NLRC4: variants seen among roughly 807,000 people sequenced by gnomAD.
NLRC4 encodes the protein NLR family CARD domain-containing protein 4.
NLRC4 carries 63 observed loss-of-function variants against 79.9 expected under a neutral mutation model. The ratio of observed to expected loss-of-function variants is 0.79; its 90% CI spans 0.64 to 0.97. The LOEUF (loss-of-function observed/expected upper bound fraction) is 0.97, where lower values mean the gene tolerates loss of function less well. Ranked by LOEUF, NLRC4 falls within the 50% of genes least tolerant of loss-of-function variation. The pLI, the probability that NLRC4 is intolerant of heterozygous loss-of-function variation, is 0.00. For missense variants in NLRC4, 1,074 were observed against 1,215.2 expected (o/e 0.88, Z 1.73); for synonymous variants, 461 against 456.5 (o/e 1.01, Z -0.12).
intron 8 of NLRC4, among the ~76,000 whole-genome samples, chr2:32,230,469 C>CTTT (rs1207120518): frequency 6.8e-5 from 9 of 131,654 alleles, no homozygotes; most frequent in Non-Finnish European, 9.9e-5. Flanking sequence ...CCAGCCCCCG[C>CTTT]TATTTTTTTT....
At chr2:32,227,423 C>G (rs1324247475) in intron 8 of NLRC4, among the ~76,000 whole-genome samples, 1 of 152,180 alleles carries the variant, frequency 6.6e-6, no homozygotes, top group African/African-American at 2.4e-5. Flanking sequence ...GCTCTCTCTT[C>G]CATCTCATGT....
chr2:32,229,397 C>T (rs1287662557), intron 8 of NLRC4, among the ~76,000 whole-genome samples: 2 of 151,942 alleles, frequency 1.3e-5, no homozygotes, highest in African/African-American at 4.8e-5. Context: ...TTCAGAGAAG[C>T]GAATAGAGAA....
rs1687097107 is a variant in NLRC4, at chr2:32,252,348, A to G, written c.262+71T>C. 3 of 1,120,630 alleles carry G rather than the reference A, an allele frequency of 2.7e-6. No homozygotes were observed. The South Asian group carries it at 4.1e-5, about 15-fold the overall frequency. The allele number at this position is 1,120,630 out of a possible 1,614,324, so 69.4% of individuals were successfully genotyped here. On this transcript the variant is annotated intron_variant, in intron 3 of 8. Transcript: ENST00000402280. ...GAGAAGGAAAAGCAGAGGCTCTGCCATGGGGAAGATGGATCTTTGTTGTGG... is the reference window on the plus strand; with the variant it reads ...GAGAAGGAAAAGCAGAGGCTCTGCCGTGGGGAAGATGGATCTTTGTTGTGG...
chr2:32,245,310 CAAA>C (rs58301612), intron 4 of NLRC4, among the ~76,000 whole-genome samples: 829 of 77,964 alleles, frequency 0.011, 2 homozygotes, highest in African/African-American at 0.026. Context: ...GACTCCTTCT[CAAA>C]AAAAAAAAAA....
At position 32,234,364 on chromosome 2, in the gene NLRC4, AG is replaced by A. The variant is rs200011801; in HGVS notation, c.2782+1036del. On this transcript the variant is annotated intron_variant, in intron 8 of 8. Transcript: ENST00000402280. ...GCAACTGCACTCCAGCCTGGGCGAC[AG>A]AGCAAGACTCTGTCTAAAAAAAAAA... Among the ~76,000 whole-genome samples the A allele has an allele frequency of 6.5e-3, 990 of 152,244 alleles. 14 individuals carry two copies. The highest frequency in any genetic ancestry group is 0.023 in the African/African-American group (957 of 41,538).
intron 1 of NLRC4, among the ~76,000 whole-genome samples, chr2:32,259,262 ATTTTTTTTTT>A (rs57570626): frequency 3.0e-4 from 16 of 52,898 alleles, no homozygotes; most frequent in Non-Finnish European, 4.1e-4. Context: ...TGCCTGGCTA[ATTTTTTTTTT>A]TTTTTTTTTT....
At chr2:32,242,192 C>T (rs1451005076) in intron 4 of NLRC4, among the ~76,000 whole-genome samples, 1 of 151,880 alleles carries the variant, frequency 6.6e-6, no homozygotes, top group Non-Finnish European at 1.5e-5. Context: ...AAATTATAAA[C>T]AGGTAAACAA....
Position 32,224,479 on chromosome 2 carries a change from A to C in NLRC4, c.3069T>G (p.Thr1023=), listed in dbSNP as rs1306296626. Residue 1023 remains threonine, a synonymous_variant, in exon 9 of 9, where the codon ACT becomes ACG. Coordinates refer to ENST00000402280, the MANE Select transcript of NLRC4 (RefSeq NM_001199138.2). The part of the protein sequence containing the change: ...SVITGAFKLV[T]A ...GGCTTCGAGTACACTTTATTTAAGC[A>C]GTTACTAGTTTAAAAGCACCTGTAA... The C allele has an allele frequency of 6.3e-7, 1 of 1,594,958 alleles. No homozygotes were observed. The highest frequency in any genetic ancestry group is 8.5e-7 in the Non-Finnish European group (1 of 1,170,500).
At chr2:32,233,189 GA>G (rs1686586385) in intron 8 of NLRC4, among the ~76,000 whole-genome samples, 1 of 85,264 alleles carries the variant, frequency 1.2e-5, no homozygotes. Context: ...AGGAAGGAAG[GA>G]AGGAAGGGAG....
At position 32,240,049 on chromosome 2, in the gene NLRC4, C is replaced by T. The variant is rs1424293635; in HGVS notation, c.2350+984G>A. ...AGGCTGGAGTGCAGTGGAGCAATCT[C>T]GGCTCACTACAACCTCCTCCTCCTG... On this transcript the variant is annotated intron_variant, in intron 5 of 8. Transcript: ENST00000402280. 4.6e-5 allele frequency among the ~76,000 whole-genome samples: 7 copies of T among 152,272 alleles called. No homozygotes were observed. In the East Asian group the frequency reaches 5.8e-4, roughly 13 times the overall value.
intron 1 of NLRC4, among the ~76,000 whole-genome samples, chr2:32,259,956 C>A (rs748780049): frequency 6.6e-6 from 1 of 152,178 alleles, no homozygotes; most frequent in South Asian, 2.1e-4. Flanking sequence ...TGGCCGGGCA[C>A]GGTGGCTCAC....
At chr2:32,246,973 T>C (rs1686951940) in intron 4 of NLRC4, among the ~76,000 whole-genome samples, 1 of 152,116 alleles carries the variant, frequency 6.6e-6, no homozygotes, top group South Asian at 2.1e-4. Flanking sequence ...GGTCTTCCTA[T>C]TGTGTCCAGG....
At chr2:32,264,042 T>G (rs1009792544) in intron 1 of NLRC4, among the ~76,000 whole-genome samples, 2 of 152,144 alleles carry the variant, frequency 1.3e-5, no homozygotes, top group Non-Finnish European at 2.9e-5. Context: ...AAATATCAGG[T>G]TTCTCATCAG....
chr2:32,259,262 A>ATTTTTTTTTTTTTTTTTTTTTTTTTT lies in NLRC4; in HGVS notation c.-118-2395_-118-2370dup, dbSNP rs57570626. Among the ~76,000 whole-genome samples the ATTTTTTTTTTTTTTTTTTTTTTTTTT allele has an allele frequency of 5.1e-4, 27 of 52,896 alleles. 4 individuals carry two copies. Among genetic ancestry groups the ATTTTTTTTTTTTTTTTTTTTTTTTTT allele is most frequent in the African/African-American group, 9.3e-4 (10 of 10,700 alleles). 34.7% of individuals were successfully genotyped at this position (52,896 alleles called of 152,430 possible). On this transcript the variant is annotated intron_variant, in intron 1 of 8. Transcript: ENST00000402280. ...AGGTGTGTGCCACCATGCCTGGCTA[A>ATTTTTTTTTTTTTTTTTTTTTTTTTT]TTTTTTTTTTTTTTTTTTTTTTTTT...
intron 8 of NLRC4, among the ~76,000 whole-genome samples, chr2:32,228,331 G>A (rs1573466553): frequency 6.6e-6 from 1 of 152,078 alleles, no homozygotes; most frequent in South Asian, 2.1e-4. Flanking sequence ...ACTGCCCCCC[G>A]GGAAAAGGCC....
At chr2:32,236,619 T>C (rs548684808) in intron 6 of NLRC4, among the ~76,000 whole-genome samples, 2 of 152,336 alleles carry the variant, frequency 1.3e-5, no homozygotes, top group East Asian at 3.9e-4. Flanking sequence ...GTAGTTGTTA[T>C]GTCATCATGG....
intron 1 of NLRC4, among the ~76,000 whole-genome samples, chr2:32,259,104 C>A (rs576002810): frequency 6.6e-6 from 1 of 151,696 alleles, no homozygotes; most frequent in Non-Finnish European, 1.5e-5. Flanking sequence ...AACATTAAAA[C>A]TCTTTTTTTG....
At chr2:32,238,360 G>C in intron 5 of NLRC4, 58 bp from the exon 6 acceptor site, 2 of 1,406,990 alleles carry the variant, frequency 1.4e-6, no homozygotes, top group African/African-American at 1.4e-5. Context: ...TTTAAGCATA[G>C]ATTAATGAAC....
intron 8 of NLRC4, among the ~76,000 whole-genome samples, chr2:32,226,160 G>A (rs1317450248): frequency 6.6e-6 from 1 of 152,150 alleles, no homozygotes; most frequent in African/African-American, 2.4e-5. Context: ...AGTCTTGTCC[G>A]ACCAGCTTAC....
Sources: gnomAD v4.1 joint callset for allele counts (sites outside exome capture counted in the v4.1 genomes callset) on GRCh38, gnomAD v4.1.1 for gene constraint, MANE v1.5 for transcripts, NCBI Gene and HGNC (gene_info 2026-07-23, HGNC 2026-07-21) for gene names.